The following QTGAL variants were observed in gnomAD, a reference collection of about 807,000 sequenced individuals.
The protein encoded by QTGAL is BGnT-like protein 1.
chr17:83,017,039 G>A, the QTGAL span, among the ~76,000 whole-genome samples: 1 of 152,216 alleles, frequency 6.6e-6, no homozygotes, highest in Non-Finnish European at 1.5e-5. Context: ...CTTCTATGGA[G>A]TTGGCCCTCA....
the QTGAL span, among the ~76,000 whole-genome samples, chr17:83,033,743 T>G: frequency 3.9e-5 from 6 of 152,144 alleles, no homozygotes; most frequent in Admixed American, 1.3e-4. Context: ...AGTGCTGGGA[T>G]TACAGGCGTG....
chr17:82,964,028 C>CGGG, the QTGAL span, among the ~76,000 whole-genome samples: 193 of 139,668 alleles, frequency 1.4e-3, 3 homozygotes, highest in African/African-American at 4.4e-3. Flanking sequence ...AGGCTGAGGT[C>CGGG]GGGGGGGTGG....
chr17:82,981,519 T>G, the QTGAL span: 1 of 152,286 alleles, frequency 6.6e-6, no homozygotes, highest in South Asian at 2.1e-4. Context: ...TCACCCATTA[T>G]CTTCATGCTC....
chr17:82,973,860 C>G, the QTGAL span, among the ~76,000 whole-genome samples: 2 of 152,112 alleles, frequency 1.3e-5, no homozygotes, highest in Non-Finnish European at 2.9e-5. Flanking sequence ...GCTGGGGCTG[C>G]TAAGAGATGC....
At chr17:83,028,453 G>A in the QTGAL span, among the ~76,000 whole-genome samples, 1 of 148,852 alleles carries the variant, frequency 6.7e-6, no homozygotes, top group South Asian at 2.2e-4. Context: ...GAACCCCAGG[G>A]GGCGGAGCCT....
At chr17:83,027,696 T>A in the QTGAL span, among the ~76,000 whole-genome samples, 1 of 68,518 alleles carries the variant, frequency 1.5e-5, no homozygotes. Context: ...AGTGAGACGC[T>A]CTCAAAAAAA....
chr17:83,024,562 C>T, the QTGAL span, among the ~76,000 whole-genome samples: 1 of 151,654 alleles, frequency 6.6e-6, no homozygotes, highest in African/African-American at 2.4e-5. Flanking sequence ...AGAGACCGGG[C>T]TCTCTGTGCG....
chr17:82,958,546 C>G, the QTGAL span, among the ~76,000 whole-genome samples: 1 of 152,168 alleles, frequency 6.6e-6, no homozygotes, highest in Non-Finnish European at 1.5e-5. Flanking sequence ...AAACTTGTGA[C>G]TCCCCCCCAA....
chr17:83,007,578 C>T, the QTGAL span, among the ~76,000 whole-genome samples: 6 of 151,978 alleles, frequency 3.9e-5, no homozygotes, highest in Non-Finnish European at 2.9e-5. Context: ...CAGCTGTGGG[C>T]GACAGGTGAG....
chr17:83,035,889 TGGA>T, the QTGAL span, among the ~76,000 whole-genome samples: 2 of 105,234 alleles, frequency 1.9e-5, no homozygotes, highest in East Asian at 9.2e-4. Flanking sequence ...GATGAGCTGG[TGGA>T]GGTCACTGAG....
At chr17:83,004,993 G>A in the QTGAL span, 1 of 722,238 alleles carries the variant, frequency 1.4e-6, no homozygotes, top group Non-Finnish European at 2.2e-6. Context: ...TGTGAGTGAA[G>A]GCGAGGACAG....
chr17:82,969,813 G>A, the QTGAL span, among the ~76,000 whole-genome samples: 2 of 152,092 alleles, frequency 1.3e-5, no homozygotes, highest in African/African-American at 2.4e-5. Context: ...CTGAGAAGAT[G>A]GGACTACAGG....
the QTGAL span, among the ~76,000 whole-genome samples, chr17:82,970,646 GGTGTGGCCGCGACCTCCGCACCCA>G: frequency 6.1e-3 from 253 of 41,276 alleles, 23 homozygotes; most frequent in African/African-American, 0.022. Flanking sequence ...CTCCGCACCC[GGTGTGGCCGCGACCTCCGCACCCA>G]GCGTGGCCGT....
chr17:82,970,354 G>A, the QTGAL span, among the ~76,000 whole-genome samples: 2 of 152,246 alleles, frequency 1.3e-5, no homozygotes, highest in East Asian at 1.9e-4. Context: ...TCAGAAAAAC[G>A]GATTTCACGA....
chr17:83,040,855 G>T, the QTGAL span, among the ~76,000 whole-genome samples: 2 of 152,262 alleles, frequency 1.3e-5, no homozygotes, highest in African/African-American at 4.8e-5. Context: ...CACAAGGTCA[G>T]GAGATCGAGA....
chr17:82,960,871 C>T, the QTGAL span, among the ~76,000 whole-genome samples: 11 of 152,248 alleles, frequency 7.2e-5, no homozygotes, highest in East Asian at 1.9e-4. Context: ...AATGCCCCTT[C>T]GTGGACGCCG....
At chr17:83,038,909 ATT>A in the QTGAL span, among the ~76,000 whole-genome samples, 1 of 141,728 alleles carries the variant, frequency 7.1e-6, no homozygotes, top group African/African-American at 2.5e-5. Flanking sequence ...TCAAAAACCA[ATT>A]TGTTTACACA....
At chr17:83,034,915 T>C in the QTGAL span, 1 of 805,832 alleles carries the variant, frequency 1.2e-6, no homozygotes. Flanking sequence ...ACTAACACAT[T>C]ATTAGTCTAA....
the QTGAL span, chr17:83,006,557 C>T: frequency 4.1e-6 from 4 of 985,302 alleles, no homozygotes; most frequent in Admixed American, 6.1e-5. The surrounding 1 kb of genome is among the most constrained non-coding windows in gnomAD (Gnocchi z 5.8). Context: ...TCCCAGGGCA[C>T]GAGCACCCGA....
Sources: gnomAD v4.1 joint callset for allele counts (sites outside exome capture counted in the v4.1 genomes callset) on GRCh38, gnomAD v4.1.1 for gene constraint, Gnocchi (gnomAD v3.1) non-coding constraint, MANE v1.5 for transcripts, NCBI Gene and HGNC (gene_info 2026-07-23, HGNC 2026-07-21) for gene names.